Variants in CDH13 observed in about 807,000 individuals in gnomAD.
The protein encoded by CDH13 is cadherin 13.
CDH13 carries 24 observed loss-of-function variants against 63.8 expected under a neutral mutation model. That is an observed-to-expected ratio of 0.38 (90% CI 0.27 to 0.53). The LOEUF (loss-of-function observed/expected upper bound fraction) is 0.53. Among genes scored for constraint, CDH13 ranks in the 20% least tolerant of loss-of-function variants. The probability of loss-of-function intolerance (pLI) is 0.85; values close to 1 mark genes in which losing one functional copy is unlikely to be tolerated. For synonymous variants in CDH13, 503 were observed against 355.3 expected, an observed-to-expected ratio of 1.42 and a Z score of -4.67; for missense variants, 1,049 against 903.1, an observed-to-expected ratio of 1.16 and a Z score of -2.07.
intron 3 of CDH13, among the ~76,000 whole-genome samples, chr16:83,081,583 G>T (rs1267361586): frequency 6.6e-6 from 1 of 152,134 alleles, no homozygotes; most frequent in Non-Finnish European, 1.5e-5. Flanking sequence ...CCCAGTTCTG[G>T]AGACCAGAAG....
At chr16:83,158,120 G>A (rs770486249) in intron 4 of CDH13, among the ~76,000 whole-genome samples, 2 of 151,956 alleles carry the variant, frequency 1.3e-5, no homozygotes, top group Admixed American at 1.3e-4. Context: ...GGTAAATTCA[G>A]GGGATAAGAT....
intron 7 of CDH13, among the ~76,000 whole-genome samples, chr16:83,545,220 C>A (rs1163470286): frequency 6.6e-6 from 1 of 152,168 alleles, no homozygotes; most frequent in Non-Finnish European, 1.5e-5. Flanking sequence ...TGTGGAAACC[C>A]TCCAAGCACC....
At chr16:83,126,731 G>C (rs947418065) in intron 4 of CDH13, among the ~76,000 whole-genome samples, 1 of 152,184 alleles carries the variant, frequency 6.6e-6, no homozygotes, top group Non-Finnish European at 1.5e-5. Flanking sequence ...TTCGAAAAAT[G>C]GTGGTTGGTT....
intron 1 of CDH13, among the ~76,000 whole-genome samples, chr16:82,792,265 T>C (rs1424511246): frequency 6.6e-6 from 1 of 152,282 alleles, no homozygotes; most frequent in East Asian, 1.9e-4. Context: ...TTTCCCAGTA[T>C]GGAAGTCATC....
Position 83,566,284 on chromosome 16 carries a change from T to G in CDH13, c.961-36170T>G, listed in dbSNP as rs568756284. ...TTTGCTGGGAAGGAAGGACTGTTCT[T>G]CCCTTTCTTTAACTTGCACCTCAAT... On this transcript the variant is annotated intron_variant, in intron 7 of 13. Coordinates refer to ENST00000567109, the MANE Select transcript of CDH13 (RefSeq NM_001257.5). Among the ~76,000 whole-genome samples the G allele has an allele frequency of 3.9e-5, 6 of 152,298 alleles. No homozygotes were observed. The South Asian group carries it at 1.2e-3, about 32-fold the overall frequency.
rs1007978814 is a variant in CDH13, at chr16:83,311,712, T to C, written c.637-33150T>C. The stretch of plus-strand genomic sequence containing the variant: ...CTCAAGGCTTGTACTCTCTATGATA[T>C]CCAGAACGCTCTTTTCTTCAAAGCC... On this transcript the variant is annotated intron_variant, in intron 5 of 13. Coordinates refer to ENST00000567109, the MANE Select transcript of CDH13 (RefSeq NM_001257.5). 2.0e-5 allele frequency among the ~76,000 whole-genome samples: 3 copies of C among 152,178 alleles called. No homozygotes were observed. The East Asian group carries it at 5.8e-4, about 29-fold the overall frequency.
chr16:82,846,207 C>G (rs2039248820), intron 1 of CDH13, among the ~76,000 whole-genome samples: 1 of 152,146 alleles, frequency 6.6e-6, no homozygotes, highest in Admixed American at 6.5e-5. Context: ...TGAAAAGTTT[C>G]AATCATCTTT....
At chr16:82,898,646 G>A (rs2041350998) in intron 2 of CDH13, among the ~76,000 whole-genome samples, 1 of 152,210 alleles carries the variant, frequency 6.6e-6, no homozygotes, top group Admixed American at 6.5e-5. Flanking sequence ...CGGAGCAAAT[G>A]TCTGTGGGGA....
At chr16:83,004,600 C>T (rs750319057) in intron 2 of CDH13, among the ~76,000 whole-genome samples, 3 of 152,044 alleles carry the variant, frequency 2.0e-5, no homozygotes, top group Non-Finnish European at 4.4e-5. Flanking sequence ...CAGGTTCAAG[C>T]GATTCTCGTG....
chr16:82,741,727 T>A (rs1426626831), intron 1 of CDH13, among the ~76,000 whole-genome samples: 1 of 152,188 alleles, frequency 6.6e-6, no homozygotes, highest in African/African-American at 2.4e-5. Flanking sequence ...TTAAAGACAC[T>A]ATAAACAAAT....
intron 1 of CDH13, among the ~76,000 whole-genome samples, chr16:82,697,423 C>CTTTTTTTTTT (rs34376129): frequency 3.5e-4 from 19 of 54,896 alleles, no homozygotes; most frequent in East Asian, 6.7e-4. Context: ...TTTCTTTTTT[C>CTTTTTTTTTT]TTTTTTTTTT....
intron 2 of CDH13, among the ~76,000 whole-genome samples, chr16:83,004,452 G>A (rs567323316): frequency 2.0e-5 from 3 of 152,270 alleles, no homozygotes; most frequent in South Asian, 4.1e-4. Flanking sequence ...CTCCAGGGCA[G>A]CAAGGTAACT....
chr16:83,677,168 G>C (rs375864600), intron 9 of CDH13, among the ~76,000 whole-genome samples: 17 of 152,334 alleles, frequency 1.1e-4, no homozygotes, highest in African/African-American at 3.6e-4. Context: ...GGGAAATGCT[G>C]CACCCACCAC....
At chr16:83,114,479 A>G (rs892477276) in intron 3 of CDH13, among the ~76,000 whole-genome samples, 1 of 152,182 alleles carries the variant, frequency 6.6e-6, no homozygotes, top group Non-Finnish European at 1.5e-5. Context: ...ACCAACCATC[A>G]TCTTCTCTGA....
At position 83,000,223 on chromosome 16, in the gene CDH13, A is replaced by ATTTTTTTTTTTTTTTTTTTTTTTTT. The variant is rs746904500; in HGVS notation, c.158-31770_158-31746dup. ...CTAGGAATATCCACAGGTTTAGCTT[A>ATTTTTTTTTTTTTTTTTTTTTTTTT]TTTTTTTTTTTTTTTTTTTTTTTTT... is the stretch of plus-strand genomic sequence containing the variant. On this transcript the variant is annotated intron_variant, in intron 2 of 13. Transcript: ENST00000567109. 8.1e-5 allele frequency among the ~76,000 whole-genome samples: 3 copies of ATTTTTTTTTTTTTTTTTTTTTTTTT among 37,030 alleles called. 1 individual carries two copies. The highest frequency in any genetic ancestry group is 1.8e-4 in the Non-Finnish European group (3 of 16,804). 24.3% of individuals were successfully genotyped at this position (37,030 alleles called of 152,430 possible).
chr16:83,510,426 A>G (rs1044632852), intron 7 of CDH13, among the ~76,000 whole-genome samples: 2 of 152,222 alleles, frequency 1.3e-5, no homozygotes, highest in Non-Finnish European at 2.9e-5. Context: ...TAGGTGGACT[A>G]CGTCTAATGG....
intron 6 of CDH13, among the ~76,000 whole-genome samples, chr16:83,391,454 T>G (rs867607856): frequency 6.6e-6 from 1 of 152,140 alleles, no homozygotes; most frequent in South Asian, 2.1e-4. Flanking sequence ...TCCGCCCGCC[T>G]CAGCCTCCCA....
intron 6 of CDH13, among the ~76,000 whole-genome samples, chr16:83,360,780 A>G (rs1003607137): frequency 5.9e-5 from 9 of 152,152 alleles, no homozygotes; most frequent in African/African-American, 2.2e-4. Flanking sequence ...GCTACAAAGG[A>G]TATGAGTTCA....
At chr16:83,467,198 G>C (rs1049963774) in intron 6 of CDH13, among the ~76,000 whole-genome samples, 8 of 152,130 alleles carry the variant, frequency 5.3e-5, no homozygotes, top group African/African-American at 1.7e-4. Flanking sequence ...CTGCTCAAAC[G>C]TTTTGTGGTT....
Sources: gnomAD v4.1 joint callset for allele counts (sites outside exome capture counted in the v4.1 genomes callset) on GRCh38, gnomAD v4.1.1 for gene constraint, MANE v1.5 for transcripts, NCBI Gene and HGNC (gene_info 2026-07-23, HGNC 2026-07-21) for gene names.